CRB1: variants seen among roughly 807,000 people sequenced by gnomAD.
The protein encoded by CRB1 is protein crumbs homolog 1.
Under a neutral mutation model 120.0 loss-of-function variants are expected in CRB1, and 83 were observed. The observed-to-expected ratio is 0.69, with a 90% confidence interval of 0.58 to 0.83. The LOEUF (loss-of-function observed/expected upper bound fraction) is 0.83. CRB1 is among the 40% of genes least tolerant of loss of function. The pLI is 0.00. For missense variants in CRB1, 1,699 were observed against 1,687.6 expected, an observed-to-expected ratio of 1.01 and a Z score of -0.12; for synonymous variants, 625 against 612.5, an observed-to-expected ratio of 1.02 and a Z score of -0.30.
chr1:197,435,223 T>C lies in CRB1; in HGVS notation c.3360T>C (p.Pro1120=), dbSNP rs1455654036. The C allele has an allele frequency of 1.2e-6, 2 of 1,613,916 alleles. No individual in the cohort carries two copies. The highest frequency in any genetic ancestry group is 1.7e-6 in the Non-Finnish European group (2 of 1,179,860). The change falls in exon 9 of 12, where the codon CCT becomes CCC. Residue 1120 remains proline, a synonymous_variant. Coordinates refer to ENST00000367400, the MANE Select transcript of CRB1 (RefSeq NM_201253.3). ...ATGTTCATGGTTTCATTAATAAACC[T>C]CAGGAAGAGCAATTTCTCAAAATCT... The part of the protein sequence containing the change: ...FENVHGFINK[P]QEEQFLKIST...
chr1:197,232,446 A>C, the CRB1 span, among the ~76,000 whole-genome samples: 20 of 152,122 alleles, frequency 1.3e-4, no homozygotes, highest in African/African-American at 4.8e-4. Context: ...AAAGAAGAGC[A>C]AGGTTTGAGT....
chr1:197,235,208 C>A, the CRB1 span, among the ~76,000 whole-genome samples: 40 of 152,150 alleles, frequency 2.6e-4, no homozygotes, highest in African/African-American at 9.6e-4. Context: ...ACTGTCCATG[C>A]CATTTTGATG....
At chr1:197,322,115 G>A (rs186891316) in intron 1 of CRB1, among the ~76,000 whole-genome samples, 1 of 152,228 alleles carries the variant, frequency 6.6e-6, no homozygotes, top group African/African-American at 2.4e-5. Context: ...CTAAAATTAA[G>A]TGTGCTAGAA....
intron 1 of CRB1, among the ~76,000 whole-genome samples, chr1:197,302,165 TTCAGCAACCATCACCCTGA>T (rs1429134243): frequency 1.3e-5 from 2 of 152,204 alleles, no homozygotes; most frequent in African/African-American, 4.8e-5. Context: ...CATCTCAGCC[TTCAGCAACCATCACCCTGA>T]TCAGTCAGCA....
At chr1:197,420,394 G>A (rs939605448) in intron 5 of CRB1, among the ~76,000 whole-genome samples, 2 of 152,144 alleles carry the variant, frequency 1.3e-5, no homozygotes, top group African/African-American at 4.8e-5. Context: ...CAGGAAAGGA[G>A]CTTGTTATGG....
chr1:197,426,032 A>G (rs959162178), intron 6 of CRB1, among the ~76,000 whole-genome samples: 1 of 151,552 alleles, frequency 6.6e-6, no homozygotes, highest in Non-Finnish European at 1.5e-5. Context: ...CTGCTTGGAT[A>G]TCCAAAAAGG....
chr1:197,231,820 C>A, the CRB1 span, among the ~76,000 whole-genome samples: 2 of 152,140 alleles, frequency 1.3e-5, no homozygotes. Flanking sequence ...TAGCTCTCTT[C>A]TGTAGACCAG....
chr1:197,322,049 A>G (rs897131300), intron 1 of CRB1, among the ~76,000 whole-genome samples: 3 of 152,202 alleles, frequency 2.0e-5, no homozygotes, highest in Non-Finnish European at 2.9e-5. Context: ...TGAGAGTTGC[A>G]CTATCCAACA....
intron 1 of CRB1, among the ~76,000 whole-genome samples, chr1:197,304,107 T>C (rs1657032206): frequency 1.3e-5 from 2 of 152,220 alleles, no homozygotes; most frequent in African/African-American, 4.8e-5. Flanking sequence ...GGAGAAGCTA[T>C]GTATTGATAT....
chr1:197,286,198 C>G (rs1655815503), intron 1 of CRB1, among the ~76,000 whole-genome samples: 1 of 151,842 alleles, frequency 6.6e-6, no homozygotes, highest in South Asian at 2.1e-4. Flanking sequence ...TGCTTGTTTT[C>G]TAGAAAATAG....
chr1:197,410,254 A>C (rs1238857122), intron 5 of CRB1, among the ~76,000 whole-genome samples: 1 of 152,250 alleles, frequency 6.6e-6, no homozygotes, highest in Non-Finnish European at 1.5e-5. Flanking sequence ...TATCTAAAAT[A>C]GTAATGAATG....
Position 197,347,680 on chromosome 1 carries a change from GC to G in CRB1, c.988+204del, listed in dbSNP as rs1437361780. On this transcript the variant is annotated intron_variant, in intron 4 of 11. Transcript: ENST00000367400. ...GTTGTCTGAAGTAGGTTACCAAGCT[GC>G]CCAATGATCATAACCCTCTAGAGGA... 3.3e-5 allele frequency among the ~76,000 whole-genome samples: 5 copies of G among 152,140 alleles called. No individual in the cohort carries two copies. The East Asian group carries it at 9.6e-4, about 29-fold the overall frequency.
At chr1:197,361,610 C>T (rs1189988727) in intron 5 of CRB1, among the ~76,000 whole-genome samples, 3 of 151,856 alleles carry the variant, frequency 2.0e-5, no homozygotes, top group African/African-American at 7.2e-5. Context: ...TGTTGAACTT[C>T]TGAGCATAAT....
At chr1:197,276,093 A>G (rs1181056627) in intron 1 of CRB1, among the ~76,000 whole-genome samples, 2 of 151,896 alleles carry the variant, frequency 1.3e-5, no homozygotes, top group African/African-American at 4.8e-5. Flanking sequence ...AGATTGTCCT[A>G]TATTTCCTAG....
At chr1:197,319,951 T>A (rs538787877) in intron 1 of CRB1, among the ~76,000 whole-genome samples, 33 of 152,320 alleles carry the variant, frequency 2.2e-4, no homozygotes, top group African/African-American at 7.7e-4. Flanking sequence ...AAAATTAGCA[T>A]CCTCTTGGAG....
intron 1 of CRB1, among the ~76,000 whole-genome samples, chr1:197,290,305 T>TGTGTGTGTGTGTGTG (rs1571775751): frequency 6.7e-6 from 1 of 149,370 alleles, no homozygotes; most frequent in East Asian, 2.0e-4. Flanking sequence ...TGTGTGTGTG[T>TGTGTGTGTGTGTGTG]TTGAAGAGAA....
chr1:197,230,903 GT>G, the CRB1 span, among the ~76,000 whole-genome samples: 31 of 152,232 alleles, frequency 2.0e-4, no homozygotes, highest in African/African-American at 7.5e-4. Context: ...GGAGGATCAA[GT>G]TTTTAACTGG....
chr1:197,341,157 G>A (rs1659432665), intron 2 of CRB1, among the ~76,000 whole-genome samples: 1 of 152,164 alleles, frequency 6.6e-6, no homozygotes, highest in Non-Finnish European at 1.5e-5. Context: ...GGATTTGGAT[G>A]GGGACACAGC....
intron 11 of CRB1, among the ~76,000 whole-genome samples, chr1:197,460,572 C>T (rs553975104): frequency 2.2e-4 from 33 of 152,248 alleles, no homozygotes; most frequent in Admixed American, 1.6e-3. Context: ...TGCAATGCCT[C>T]ATTTAGTTCT....
Sources: allele counts gnomAD v4.1 joint callset (sites outside exome capture counted in the v4.1 genomes callset), GRCh38; gene constraint gnomAD v4.1.1; transcripts MANE v1.5; gene names NCBI Gene and HGNC (gene_info 2026-07-23, HGNC 2026-07-21).